Variants in ETAA1 observed in about 807,000 individuals in gnomAD.
ETAA1 encodes ewing's tumor-associated antigen 1.
Under a neutral mutation model 76.8 loss-of-function variants are expected in ETAA1, and 49 were observed. The ratio of observed to expected loss-of-function variants is 0.64; its 90% CI spans 0.51 to 0.81. ETAA1 has a LOEUF of 0.81. Ranked by LOEUF, ETAA1 falls within the 30% of genes least tolerant of loss-of-function variation. ETAA1 has a pLI of 0.00. For missense variants in ETAA1, 1,099 were observed against 1,074.0 expected, an observed-to-expected ratio of 1.02 and a Z score of -0.32; for synonymous variants, 373 against 372.2, an observed-to-expected ratio of 1.00 and a Z score of -0.03.
intron 1 of ETAA1, 116 bp downstream of exon 1, chr2:67,397,787 G>A: frequency 1.8e-6 from 2 of 1,081,984 alleles, no homozygotes; most frequent in Non-Finnish European, 2.7e-6. Flanking sequence ...CTGTCTCTGG[G>A]ATTCACCCCT....
chr2:67,399,052 G>GA (rs1310237135), intron 1 of ETAA1, 117 bp from the exon 2 acceptor site: 34 of 947,638 alleles, frequency 3.6e-5, no homozygotes, highest in Admixed American at 9.1e-5. Flanking sequence ...TTATCTCTGG[G>GA]AAAAAAAATT....
chr2:67,402,820 A>T, intron 3 of ETAA1, 42 bp from the exon 4 acceptor site: 2 of 1,348,414 alleles, frequency 1.5e-6, no homozygotes, highest in Non-Finnish European at 2.0e-6. Context: ...GGGGGATGCT[A>T]CACTGGTACT....
Position 67,403,905 on chromosome 2 carries a change from C to T in ETAA1, c.1223C>T (p.Ala408Val), listed in dbSNP as rs372172721. 5.0e-6 allele frequency: 8 copies of T among 1,612,582 alleles called. No homozygotes were observed. Among genetic ancestry groups the T allele is most frequent in the Non-Finnish European group, 5.9e-6 (7 of 1,179,386 alleles). ...DMPELFPSKT[A>V]HVTDQKEICT... ...CCTGAACTCTTTCCTTCTAAAACAG[C>T]CCATGTTACTGATCAAAAGGAAATT... Residue 408 changes from alanine to valine, a missense_variant, in exon 5 of 6, where the codon GCC becomes GTC. Physicochemically the swap from Ala to Val is moderately conservative, Grantham distance 64. This residue lies in a region of ETAA1 where 761 missense variants were observed against 731.9 expected (regional missense o/e 1.04). Transcript: ENST00000272342.
In ETAA1 at chr2:67,402,875, C is replaced by A; in HGVS notation, c.443C>A (p.Thr148Lys). Residue 148 changes from threonine (T) to lysine (K), a missense_variant, in exon 4 of 6, where the codon ACA (threonine) becomes AAA (lysine). Around this residue, in one of 3 missense-constraint regions of ETAA1, gnomAD observed 761 missense variants for 731.9 expected, o/e 1.04. Transcript: ENST00000272342. ...NRIAPQDEKP[T>K]TNSMLDMWIG... Reference sequence around the variant, plus strand: ...TATCTGCCAAAGGATGAAAAACCAACAACAAATTCTATGCTGGACATGTGG... The same window carrying A: ...TATCTGCCAAAGGATGAAAAACCAAAAACAAATTCTATGCTGGACATGTGG... The A allele has an allele frequency of 1.9e-6, 3 of 1,587,030 alleles. No individual in the cohort carries two copies. The highest frequency in any genetic ancestry group is 2.3e-5 in the East Asian group (1 of 42,968).
chr2:67,397,462 G>C lies in ETAA1; in HGVS notation c.14G>C (p.Arg5Thr). The change falls in exon 1 of 6, where the codon AGG (arginine) becomes ACG (threonine). Residue 5 changes from arginine to threonine, a missense_variant. By Grantham distance (71) the Arg-to-Thr change is moderately conservative. Transcript: ENST00000272342. MSRR[R>T]KHDDSPSPKK... ...GGGCCATAGGCAATGAGTCGGCGAA[G>C]GAAACATGATGACAGCCCTAGCCCG... is the stretch of plus-strand genomic sequence containing the variant. 6.3e-7 allele frequency: 1 copy of C among 1,598,432 alleles called. No individual in the cohort carries two copies. Among genetic ancestry groups the C allele is most frequent in the Non-Finnish European group, 8.5e-7 (1 of 1,172,432 alleles).
chr2:67,401,627 T>C (rs1447812131), intron 3 of ETAA1: 1 of 151,882 alleles, frequency 6.6e-6, no homozygotes, highest in Non-Finnish European at 1.5e-5. Flanking sequence ...CAAACATACA[T>C]AGGACCCATG....
chr2:67,399,115 G>A (rs1481962790), intron 1 of ETAA1, 54 bp from the exon 2 acceptor site: 1 of 1,530,816 alleles, frequency 6.5e-7, no homozygotes, highest in African/African-American at 1.4e-5. Context: ...GTCTTACGAA[G>A]TAAGGTAATG....
intron 5 of ETAA1, among the ~76,000 whole-genome samples, chr2:67,407,211 A>C (rs923379202): frequency 6.6e-6 from 1 of 151,430 alleles, no homozygotes. Flanking sequence ...TGGATCACAC[A>C]TAAGATACAC....
rs1383402714 is a variant in ETAA1, at chr2:67,409,961, A to AGAC, written c.2705_2707dup (p.Arg902dup). Reference sequence around the variant, plus strand: ...TTCTCCTGAAGAAATTCAGAGAAAAAGACAAGAAGCACTGGTTCGGAGAAT... The same window carrying AGAC: ...TTCTCCTGAAGAAATTCAGAGAAAAAGACGACAAGAAGCACTGGTTCGGAGAAT... On this transcript the variant is annotated inframe_insertion, in exon 6 of 6. Transcript: ENST00000272342. 19 of 1,608,194 alleles carry AGAC rather than the reference A, an allele frequency of 1.2e-5. No individual in the cohort carries two copies. The highest frequency in any genetic ancestry group is 1.6e-5 in the Non-Finnish European group (19 of 1,177,856).
In ETAA1 at chr2:67,397,667, C is replaced by G. The variant is rs76623705; in HGVS notation, c.219C>G (p.Pro73=). The G allele has an allele frequency of 0.014, 21,229 of 1,546,110 alleles. 190 individuals carry two copies. Among genetic ancestry groups the G allele is most frequent in the Middle Eastern group, 0.022 (95 of 4,366 alleles). Residue 73 remains proline (P), a synonymous_variant, in exon 1 of 6, where the codon CCC becomes CCG. Transcript: ENST00000272342. ...CCGCCCTGTGCAGTAAAAGTAACCC[C>G]GAGGGTGAGACGTCGGCAGCGCGGC... ...PTAALCSKSN[P]EERYETPKRA...
chr2:67,400,597 T>C (rs1252046748), intron 3 of ETAA1: 2 of 152,234 alleles, frequency 1.3e-5, no homozygotes, highest in Admixed American at 6.5e-5. Flanking sequence ...TACGTGAAAC[T>C]GTTCTGAACT....
At position 67,404,559 on chromosome 2, in the gene ETAA1, T is replaced by G. The variant is rs1676148825; in HGVS notation, c.1877T>G (p.Ile626Ser). ...GAAAGACTAACTCAGCAACAAGACA[T>G]TAGAAAGGACAGTAAGACATCAGAA... is the stretch of plus-strand genomic sequence containing the variant. ...DIERLTQQQD[I>S]RKDSKTSESI... Residue 626 changes from isoleucine to serine, a missense_variant, in exon 5 of 6, where the codon ATT becomes AGT. Physicochemically the swap from Ile to Ser is moderately radical, Grantham distance 142. Around this residue, in one of 3 missense-constraint regions of ETAA1, gnomAD observed 761 missense variants for 731.9 expected, o/e 1.04. Transcript: ENST00000272342. 2.5e-6 allele frequency: 4 copies of G among 1,612,612 alleles called. No individual in the cohort carries two copies. Among genetic ancestry groups the G allele is most frequent in the Admixed American group, 3.3e-5 (2 of 59,902 alleles).
rs1676175422 is a variant in ETAA1 at position 67,405,066 on chromosome 2, G to C, written c.2384G>C (p.Ser795Thr). The C allele has an allele frequency of 6.2e-7, 1 of 1,612,128 alleles. No homozygotes were observed. Residue 795 changes from serine (S) to threonine (T), a missense_variant, in exon 5 of 6, where the codon AGT becomes ACT. Physicochemically the swap from Ser to Thr is moderately conservative, Grantham distance 58. This residue lies in a region of ETAA1 where 302 missense variants were observed against 278.1 expected (regional missense o/e 1.09). Coordinates refer to ENST00000272342, the MANE Select transcript of ETAA1 (RefSeq NM_019002.4). ...ATTACTACTTATAAGAAGAAATTGA[G>C]TACTAATCAGCCATGCCATAAGACT... ...TEITTYKKKL[S>T]TNQPCHKTVT...
chr2:67,404,232 C>T lies in ETAA1; in HGVS notation c.1550C>T (p.Ala517Val). The change falls in exon 5 of 6, where the codon GCT (alanine) becomes GTT (valine). Residue 517 changes from alanine to valine, a missense_variant. By Grantham distance (64) the Ala-to-Val change is moderately conservative. This residue lies in a region of ETAA1 where 761 missense variants were observed against 731.9 expected (regional missense o/e 1.04). Transcript: ENST00000272342. ...GATATTCTTACTAACTCTACTGAAG[C>T]TTCTGAAAGGAAGTCAGCTTTGAAC... ...KEDILTNSTE[A>V]SERKSALNTR... 6.2e-7 allele frequency: 1 copy of T among 1,612,320 alleles called. No individual in the cohort carries two copies.
intron 5 of ETAA1, among the ~76,000 whole-genome samples, chr2:67,406,540 A>T (rs1676225119): frequency 1.3e-5 from 2 of 152,152 alleles, no homozygotes; most frequent in African/African-American, 4.8e-5. Context: ...TTTTTTAAAA[A>T]TTTACAATAG....
intron 1 of ETAA1, among the ~76,000 whole-genome samples, 195 bp from the exon 2 acceptor site, chr2:67,398,974 A>G (rs1381540649): frequency 6.6e-6 from 1 of 152,180 alleles, no homozygotes; most frequent in African/African-American, 2.4e-5. Flanking sequence ...GCTATTTACA[A>G]TGTGAAGTTT....
chr2:67,398,794 G>T (rs1675972271), intron 1 of ETAA1, among the ~76,000 whole-genome samples: 1 of 152,136 alleles, frequency 6.6e-6, no homozygotes, highest in Non-Finnish European at 1.5e-5. Context: ...GTGAAAGGGG[G>T]CTAAACATAT....
chr2:67,398,509 GTA>G (rs1675961979), intron 1 of ETAA1, among the ~76,000 whole-genome samples: 1 of 151,578 alleles, frequency 6.6e-6, no homozygotes, highest in African/African-American at 2.4e-5. Flanking sequence ...CTAATTTTTT[GTA>G]TTTTTGGTAG....
At position 67,402,871 on chromosome 2, in the gene ETAA1, CCAA is replaced by C. The variant is rs771249312; in HGVS notation, c.446_448del (p.Thr149del). 3 of 1,587,356 alleles carry C rather than the reference CCAA, an allele frequency of 1.9e-6. No individual in the cohort carries two copies. The highest frequency in any genetic ancestry group is 2.6e-6 in the Non-Finnish European group (3 of 1,167,952). ...TCCCTATCTGCCAAAGGATGAAAAA[CCAA>C]CAACAAATTCTATGCTGGACATGTG... On this transcript the variant is annotated inframe_deletion, in exon 4 of 6. Transcript: ENST00000272342.
Sources: allele counts gnomAD v4.1 joint callset (sites outside exome capture counted in the v4.1 genomes callset), GRCh38; gene constraint gnomAD v4.1.1; regional missense constraint gnomAD v4.1.1; transcripts MANE v1.5; gene names NCBI Gene and HGNC (gene_info 2026-07-23, HGNC 2026-07-21).